Variants in TYW1 observed in about 807,000 individuals in gnomAD.
TYW1 encodes tRNA-yW synthesizing protein 1 homolog.
A neutral mutation model predicts 96.2 loss-of-function variants in TYW1; 46 were observed. The observed-to-expected ratio is 0.48, with a 90% CI of 0.38 to 0.61. The LOEUF (loss-of-function observed/expected upper bound fraction) is 0.61. TYW1 is among the 20% of genes least tolerant of loss of function. The pLI is 0.00. For synonymous variants in TYW1, 274 were observed against 323.0 expected (o/e 0.85, Z 1.63); for missense variants, 684 against 909.6 (o/e 0.75, Z 3.19).
chr7:67,009,483 T>C, intron 3 of TYW1, 100 bp from the exon 4 acceptor site: 4 of 1,024,116 alleles, frequency 3.9e-6, no homozygotes, highest in Non-Finnish European at 4.4e-6. Context: ...ACTGAAAATA[T>C]TTTTCATGAG....
At position 67,221,861 on chromosome 7, in the gene TYW1, CT is replaced by C. The variant is rs58609089; in HGVS notation, c.1978-16432del. ...CCCCAAAACATAAACTAATACTTGT[CT>C]TTTTTTTTTTTTTTAAACACATTAG... On this transcript the variant is annotated intron_variant, in intron 15 of 15. Transcript: ENST00000359626. Among the ~76,000 whole-genome samples the C allele has an allele frequency of 9.1e-3, 1,314 of 144,244 alleles. 15 individuals carry two copies. Among genetic ancestry groups the C allele is most frequent in the African/African-American group, 0.028 (1,106 of 39,094 alleles). 94.6% of individuals were successfully genotyped at this position (144,244 alleles called of 152,430 possible).
At chr7:67,007,344 CTGTAGAG>C (rs781264492) in intron 3 of TYW1, among the ~76,000 whole-genome samples, 5 of 152,154 alleles carry the variant, frequency 3.3e-5, no homozygotes, top group Non-Finnish European at 7.4e-5. Flanking sequence ...TGCTTCCTGA[CTGTAGAG>C]TGTACCTTCC....
At chr7:67,002,192 C>T (rs1793419212) in intron 3 of TYW1, among the ~76,000 whole-genome samples, 1 of 151,700 alleles carries the variant, frequency 6.6e-6, no homozygotes, top group African/African-American at 2.4e-5. Flanking sequence ...GGAATATGGG[C>T]TTGTGCCACC....
At chr7:67,029,413 G>GTATATATATATA (rs1430069945) in intron 7 of TYW1, among the ~76,000 whole-genome samples, 7 of 93,456 alleles carry the variant, frequency 7.5e-5, no homozygotes, top group Non-Finnish European at 1.1e-4. Flanking sequence ...GTGTGTGTGT[G>GTATATATATATA]TGTATATATA....
chr7:67,201,579 C>T (rs1800601122), intron 15 of TYW1, among the ~76,000 whole-genome samples: 1 of 151,190 alleles, frequency 6.6e-6, no homozygotes, highest in South Asian at 2.1e-4. Flanking sequence ...ATGTTACTTG[C>T]ATATTTATTT....
At chr7:67,149,711 A>C (rs1364706541) in intron 13 of TYW1, among the ~76,000 whole-genome samples, 1 of 119,758 alleles carries the variant, frequency 8.4e-6, no homozygotes, top group Non-Finnish European at 1.8e-5. Context: ...CTTGTCAAAA[A>C]AGGAAAAAAA....
At chr7:67,195,685 G>C (rs192059878) in intron 15 of TYW1, among the ~76,000 whole-genome samples, 1 of 152,280 alleles carries the variant, frequency 6.6e-6, no homozygotes, top group East Asian at 1.9e-4. Flanking sequence ...GTCCCCATAT[G>C]AGTTTCTAGC....
intron 11 of TYW1, among the ~76,000 whole-genome samples, chr7:67,091,319 A>G (rs1232225782): frequency 6.6e-6 from 1 of 151,740 alleles, no homozygotes; most frequent in Non-Finnish European, 1.5e-5. Flanking sequence ...CAAGGACAGA[A>G]AACCAAACAC....
intron 13 of TYW1, among the ~76,000 whole-genome samples, chr7:67,148,721 G>T (rs1388083522): frequency 2.0e-5 from 3 of 152,146 alleles, no homozygotes; most frequent in Non-Finnish European, 4.4e-5. Context: ...GTGAGCCACT[G>T]TGCCCGGCTG....
intron 11 of TYW1, among the ~76,000 whole-genome samples, chr7:67,094,323 G>GT (rs200148207): frequency 1.6e-4 from 25 of 151,606 alleles, no homozygotes; most frequent in African/African-American, 4.1e-4. Flanking sequence ...GTGGGTACAG[G>GT]TTTTTTTTTA....
intron 8 of TYW1, among the ~76,000 whole-genome samples, chr7:67,053,133 T>C (rs574550399): frequency 3.3e-5 from 5 of 149,808 alleles, no homozygotes; most frequent in Non-Finnish European, 5.9e-5. Context: ...TTGGAAATAA[T>C]ATGAGCTTTA....
intron 12 of TYW1, among the ~76,000 whole-genome samples, chr7:67,105,886 C>CTTTT (rs11330425): frequency 2.8e-4 from 17 of 61,406 alleles, no homozygotes; most frequent in East Asian, 5.4e-4. Flanking sequence ...AGAGAATATT[C>CTTTT]TTTTTTTTTT....
intron 13 of TYW1, among the ~76,000 whole-genome samples, chr7:67,122,424 C>T (rs1436665171): frequency 6.6e-6 from 1 of 152,162 alleles, no homozygotes; most frequent in East Asian, 1.9e-4. Context: ...AAACATTTCA[C>T]ATTTGGCCTT....
intron 3 of TYW1, among the ~76,000 whole-genome samples, chr7:67,001,700 G>C (rs1423083308): frequency 1.3e-5 from 2 of 151,556 alleles, no homozygotes; most frequent in Admixed American, 1.3e-4. Context: ...GATTACAGGC[G>C]TGAGCCACCG....
chr7:67,201,747 T>C (rs1211276712), intron 15 of TYW1, among the ~76,000 whole-genome samples: 1 of 152,186 alleles, frequency 6.6e-6, no homozygotes, highest in Non-Finnish European at 1.5e-5. Flanking sequence ...GCTTTGAAAT[T>C]AATTACTTAA....
In TYW1 at chr7:67,179,083, T is replaced by A. The variant is rs566608476; in HGVS notation, c.1699-4043T>A. Among the ~76,000 whole-genome samples, 27 of 140,606 alleles carry A rather than the reference T, an allele frequency of 1.9e-4. 1 individual carries two copies. In the South Asian group the frequency reaches 4.4e-3, roughly 23 times the overall value. 92.2% of individuals were successfully genotyped at this position (140,606 alleles called of 152,430 possible). Reference sequence around the variant, plus strand: ...GGTACAGCTCCTTGCAGAGCAGGGCTAACTCATAGGCAGCGCACCCAGAAT... The same window carrying A: ...GGTACAGCTCCTTGCAGAGCAGGGCAAACTCATAGGCAGCGCACCCAGAAT... On this transcript the variant is annotated intron_variant, in intron 13 of 15. Coordinates refer to ENST00000359626, the MANE Select transcript of TYW1 (RefSeq NM_018264.4).
intron 13 of TYW1, among the ~76,000 whole-genome samples, chr7:67,180,853 A>C (rs905041811): frequency 1.4e-4 from 21 of 152,142 alleles, no homozygotes; most frequent in Admixed American, 6.5e-5. Context: ...CACGTTGACC[A>C]GGCTGGCCTC....
intron 13 of TYW1, among the ~76,000 whole-genome samples, chr7:67,120,083 C>CT (rs923253831): frequency 8.7e-5 from 12 of 138,348 alleles, no homozygotes; most frequent in Admixed American, 3.6e-4. Flanking sequence ...TTTTTTTCTT[C>CT]TTTTTTTTCT....
chr7:67,197,158 T>C (rs1300472228), intron 15 of TYW1, among the ~76,000 whole-genome samples: 1 of 152,238 alleles, frequency 6.6e-6, no homozygotes, highest in Non-Finnish European at 1.5e-5. Flanking sequence ...ATGAAACACT[T>C]AACACAGCAC....
Sources: allele counts gnomAD v4.1 joint callset (sites outside exome capture counted in the v4.1 genomes callset), GRCh38; gene constraint gnomAD v4.1.1; transcripts MANE v1.5; gene names NCBI Gene and HGNC (gene_info 2026-07-23, HGNC 2026-07-21).